The following TYW1 variants were observed in gnomAD, a reference collection of about 807,000 sequenced individuals.
The protein encoded by TYW1 is S-adenosyl-L-methionine-dependent tRNA 4-demethylwyosine synthase TYW1.
TYW1 carries 46 observed loss-of-function variants against 96.2 expected under a neutral mutation model. The observed-to-expected ratio is 0.48, with a 90% confidence interval of 0.38 to 0.61. TYW1 has a LOEUF of 0.61. Among genes scored for constraint, TYW1 ranks in the 20% least tolerant of loss-of-function variants. The pLI is 0.00. For missense variants in TYW1, 684 were observed against 909.6 expected, an observed-to-expected ratio of 0.75 and a Z score of 3.19; for synonymous variants, 274 against 323.0, an observed-to-expected ratio of 0.85 and a Z score of 1.63.
intron 13 of TYW1, among the ~76,000 whole-genome samples, chr7:67,157,853 G>A (rs1370332503): frequency 6.6e-6 from 1 of 152,088 alleles, no homozygotes; most frequent in African/African-American, 2.4e-5. Flanking sequence ...TGATGAAATC[G>A]TGCTTATGTG....
chr7:67,122,703 G>A (rs988573694), intron 13 of TYW1, among the ~76,000 whole-genome samples: 1 of 152,162 alleles, frequency 6.6e-6, no homozygotes, highest in African/African-American at 2.4e-5. Context: ...TCATGTTAAA[G>A]ACAGTGTAGT....
intron 7 of TYW1, among the ~76,000 whole-genome samples, chr7:67,048,627 G>A (rs11761677): frequency 0.24 from 36,493 of 152,070 alleles, 4,643 homozygotes; most frequent in African/African-American, 0.31. Flanking sequence ...CAGTTACAAT[G>A]AATAGAAGAC....
chr7:67,095,246 ATC>A (rs1209581177), intron 11 of TYW1, among the ~76,000 whole-genome samples: 3 of 151,990 alleles, frequency 2.0e-5, no homozygotes, highest in Admixed American at 2.0e-4. Flanking sequence ...TGATGCACCC[ATC>A]TCGGCCTCAC....
chr7:67,236,601 A>G (rs560361677), intron 15 of TYW1, among the ~76,000 whole-genome samples: 1 of 152,360 alleles, frequency 6.6e-6, no homozygotes, highest in South Asian at 2.1e-4. Flanking sequence ...ATGGTGAGAT[A>G]TAAATTTTAC....
intron 4 of TYW1, chr7:67,009,888 T>A: frequency 3.7e-6 from 2 of 541,606 alleles, no homozygotes; most frequent in Non-Finnish European, 3.1e-6. Flanking sequence ...TGGGGCTTGT[T>A]CTTCAGGCAT....
intron 11 of TYW1, among the ~76,000 whole-genome samples, chr7:67,084,404 T>G: frequency 1.3e-5 from 2 of 152,242 alleles, no homozygotes; most frequent in Non-Finnish European, 2.9e-5. Flanking sequence ...TGGAGGTTAC[T>G]GGTTCTCAAA....
intron 12 of TYW1, among the ~76,000 whole-genome samples, chr7:67,101,862 G>A (rs1404755065): frequency 6.6e-6 from 1 of 152,114 alleles, no homozygotes; most frequent in South Asian, 2.1e-4. Context: ...GCAATAATAT[G>A]AAAATCAGTG....
chr7:67,081,993 C>G (rs1608146), intron 10 of TYW1, among the ~76,000 whole-genome samples: 94,169 of 149,382 alleles, frequency 0.63, 29,862 homozygotes, highest in Middle Eastern at 0.73. Context: ...ATCTATCTCT[C>G]TTGAATTTCT....
At chr7:67,110,373 A>G (rs1476668766) in intron 12 of TYW1, among the ~76,000 whole-genome samples, 1 of 152,166 alleles carries the variant, frequency 6.6e-6, no homozygotes, top group African/African-American at 2.4e-5. Flanking sequence ...AAACCAAGGC[A>G]GAGTTGCAAA....
At chr7:67,073,023 G>A (rs540947137) in intron 10 of TYW1, among the ~76,000 whole-genome samples, 2 of 138,734 alleles carry the variant, frequency 1.4e-5, no homozygotes, top group African/African-American at 2.7e-5. Context: ...GCCTCAAGCA[G>A]TCCTCTCCTC....
At chr7:67,201,866 T>C (rs1584689448) in intron 15 of TYW1, among the ~76,000 whole-genome samples, 1 of 152,176 alleles carries the variant, frequency 6.6e-6, no homozygotes, top group Non-Finnish European at 1.5e-5. Context: ...TACCTAGCAG[T>C]TCTATTTGTT....
At chr7:67,162,140 C>CA (rs200251255) in intron 13 of TYW1, among the ~76,000 whole-genome samples, 2,996 of 150,776 alleles carry the variant, frequency 0.02, 84 homozygotes, top group African/African-American at 0.068. Context: ...ATTAAAAATA[C>CA]AAAAAAAACA....
chr7:67,151,327 G>A (rs1250723596), intron 13 of TYW1, among the ~76,000 whole-genome samples: 2 of 151,932 alleles, frequency 1.3e-5, no homozygotes, highest in Non-Finnish European at 2.9e-5. Context: ...GGGATTACAG[G>A]CATGAGCCGC....
chr7:67,136,649 G>T (rs1798263978), intron 13 of TYW1, among the ~76,000 whole-genome samples: 1 of 82,164 alleles, frequency 1.2e-5, no homozygotes, highest in Non-Finnish European at 2.2e-5. Context: ...TTTATACAGT[G>T]CGTGTGTGTG....
At chr7:67,225,443 TA>T (rs1338242540) in intron 15 of TYW1, among the ~76,000 whole-genome samples, 3 of 152,158 alleles carry the variant, frequency 2.0e-5, no homozygotes, top group African/African-American at 7.2e-5. Context: ...ATCCTGTAGA[TA>T]ATTAGGCACT....
At chr7:67,187,863 T>C (rs1800079741) in intron 14 of TYW1, among the ~76,000 whole-genome samples, 2 of 152,230 alleles carry the variant, frequency 1.3e-5, no homozygotes, top group African/African-American at 4.8e-5. Flanking sequence ...ATTATTACAA[T>C]GAGCATGCAT....
At chr7:67,023,140 A>C (rs1349548828) in intron 6 of TYW1, among the ~76,000 whole-genome samples, 1 of 152,028 alleles carries the variant, frequency 6.6e-6, no homozygotes, top group South Asian at 2.1e-4. Flanking sequence ...TCTGTTGCCA[A>C]AGCTGGAGTG....
At chr7:67,166,785 A>G (rs1799346739) in intron 13 of TYW1, among the ~76,000 whole-genome samples, 1 of 152,086 alleles carries the variant, frequency 6.6e-6, no homozygotes, top group Non-Finnish European at 1.5e-5. Context: ...TTCACATTGC[A>G]TCCTGGTTGG....
chr7:67,059,212 G>A (rs892042710), intron 9 of TYW1, among the ~76,000 whole-genome samples: 2 of 149,092 alleles, frequency 1.3e-5, no homozygotes, highest in Non-Finnish European at 3.0e-5. Context: ...CCATTCTCCT[G>A]CCTCAGCCTC....
Sources: allele counts gnomAD v4.1 joint callset (sites outside exome capture counted in the v4.1 genomes callset), GRCh38; gene constraint gnomAD v4.1.1; transcripts MANE v1.5; gene names NCBI Gene and HGNC (gene_info 2026-07-23, HGNC 2026-07-21).